The following CNTN3 variants were observed in gnomAD, a reference collection of about 807,000 sequenced individuals.
CNTN3 encodes contactin-3.
Under a neutral mutation model 119.1 loss-of-function variants are expected in CNTN3, and 60 were observed. The ratio of observed to expected loss-of-function variants is 0.50; its 90% CI spans 0.41 to 0.62. The LOEUF is 0.62. Among genes scored for constraint, CNTN3 ranks in the 20% least tolerant of loss-of-function variants. The pLI, the probability that CNTN3 is intolerant of heterozygous loss-of-function variation, is 0.00. For synonymous variants in CNTN3, 450 were observed against 438.7 expected, an observed-to-expected ratio of 1.03 and a Z score of -0.32; for missense variants, 1,101 against 1,242.4, an observed-to-expected ratio of 0.89 and a Z score of 1.71.
chr3:74,460,453 G>C (rs1156866035), intron 4 of CNTN3, among the ~76,000 whole-genome samples: 1 of 151,696 alleles, frequency 6.6e-6, no homozygotes, highest in East Asian at 1.9e-4. Flanking sequence ...GGTCTTCTTT[G>C]ATTTCTTTTG....
chr3:74,475,516 T>C (rs1481956729), intron 4 of CNTN3, among the ~76,000 whole-genome samples: 1 of 152,144 alleles, frequency 6.6e-6, no homozygotes, highest in Non-Finnish European at 1.5e-5. Flanking sequence ...TTTGCACACA[T>C]CCTGCATCGC....
intron 20 of CNTN3, among the ~76,000 whole-genome samples, chr3:74,276,089 A>C (rs1701873075): frequency 6.6e-6 from 1 of 152,142 alleles, no homozygotes. Flanking sequence ...CCAACAGGAA[A>C]ATATCACAAT....
At chr3:74,431,716 A>C (rs1701786180) in intron 4 of CNTN3, among the ~76,000 whole-genome samples, 1 of 152,232 alleles carries the variant, frequency 6.6e-6, no homozygotes, top group South Asian at 2.1e-4. Context: ...AAAGTAAAAC[A>C]AGCCATTTTC....
chr3:74,391,553 G>GTTTTTTTTTTTTTTT (rs1327675724), intron 5 of CNTN3, among the ~76,000 whole-genome samples: 1 of 115,966 alleles, frequency 8.6e-6, no homozygotes, highest in African/African-American at 3.5e-5. Context: ...TACTCCCATA[G>GTTTTTTTTTTTTTTT]TTTCTTTTTT....
chr3:74,548,571 TA>T (rs1178676530), intron 1 of CNTN3, among the ~76,000 whole-genome samples: 9 of 150,548 alleles, frequency 6.0e-5, no homozygotes, highest in Non-Finnish European at 1.0e-4. Flanking sequence ...TTTTAATTTT[TA>T]ATATTTTGGT....
rs115408965 is a variant in CNTN3, at chr3:74,360,674, T to C, written c.1364+1216A>G. ...CATTCCTTCTGAATCTGGAATCATT[T>C]TGTACTCATTCAGGTTGTTGGTGGA... On this transcript the variant is annotated intron_variant, in intron 11 of 22. Coordinates refer to ENST00000263665, the MANE Select transcript of CNTN3 (RefSeq NM_020872.3). Among the ~76,000 whole-genome samples, 378 of 152,280 alleles carry C rather than the reference T, an allele frequency of 2.5e-3. 2 individuals carry two copies. The highest frequency in any genetic ancestry group is 8.7e-3 in the African/African-American group (361 of 41,536).
chr3:74,541,098 T>C (rs1703836633), intron 1 of CNTN3, among the ~76,000 whole-genome samples: 1 of 151,984 alleles, frequency 6.6e-6, no homozygotes, highest in Non-Finnish European at 1.5e-5. Flanking sequence ...CATGAGTCAG[T>C]GAAACAAAAG....
intron 4 of CNTN3, among the ~76,000 whole-genome samples, chr3:74,453,051 C>T (rs1702191902): frequency 1.3e-5 from 2 of 151,656 alleles, no homozygotes; most frequent in South Asian, 4.2e-4. Context: ...AGGGAGGTTT[C>T]CCTCTTTTTC....
chr3:74,413,007 GTTA>G (rs751188236), intron 5 of CNTN3, among the ~76,000 whole-genome samples: 1 of 152,122 alleles, frequency 6.6e-6, no homozygotes, highest in Non-Finnish European at 1.5e-5. Flanking sequence ...GGTGAATTAC[GTTA>G]TTATTATTTG....
At chr3:74,581,534 G>A (rs1053637369) in intron 1 of CNTN3, among the ~76,000 whole-genome samples, 7 of 152,120 alleles carry the variant, frequency 4.6e-5, no homozygotes, top group African/African-American at 1.4e-4. Flanking sequence ...TCATTGTTAA[G>A]ATGTCCATTC....
chr3:74,563,263 A>G (rs1401742600), intron 1 of CNTN3, among the ~76,000 whole-genome samples: 7 of 152,150 alleles, frequency 4.6e-5, no homozygotes, highest in African/African-American at 1.4e-4. Context: ...AAACCCAGTA[A>G]GCCCAAAGTG....
At chr3:74,372,352 C>A (rs1704361979) in intron 5 of CNTN3, among the ~76,000 whole-genome samples, 1 of 151,946 alleles carries the variant, frequency 6.6e-6, no homozygotes, top group African/African-American at 2.4e-5. Flanking sequence ...AACTTTATGG[C>A]CAAGGTGAAT....
chr3:74,606,956 T>C (rs1038897996), intron 1 of CNTN3, among the ~76,000 whole-genome samples: 1 of 152,094 alleles, frequency 6.6e-6, no homozygotes, highest in African/African-American at 2.4e-5. Flanking sequence ...ATATTACATA[T>C]GAAGAAAAAA....
intron 1 of CNTN3, among the ~76,000 whole-genome samples, chr3:74,548,009 G>A (rs1418600634): frequency 1.3e-5 from 2 of 152,058 alleles, no homozygotes; most frequent in African/African-American, 4.8e-5. Context: ...CATTCCAGAT[G>A]GATAACCACT....
chr3:74,336,654 A>G lies in CNTN3; in HGVS notation c.1369T>C (p.Ser457Pro). The change falls in exon 12 of 23, where the codon TCT becomes CCT. Residue 457 changes from serine to proline, a missense_variant. Transcript: ENST00000263665. ...TTGAGTCCTCCATCGTTTAACAAAG[A>G]AATTCTAAAGCAAAGACAAATAAGA... ...DVSVQEHERI[S>P]LLNDGGLKIA... is the part of the protein sequence containing the mutation. 1 of 1,605,436 alleles carries G rather than the reference A, an allele frequency of 6.2e-7. No individual in the cohort carries two copies. Among genetic ancestry groups the G allele is most frequent in the Non-Finnish European group, 8.5e-7 (1 of 1,174,612 alleles).
chr3:74,468,518 T>C (rs1390418964), intron 4 of CNTN3, among the ~76,000 whole-genome samples: 1 of 152,204 alleles, frequency 6.6e-6, no homozygotes, highest in African/African-American at 2.4e-5. Flanking sequence ...TGGGCCCATA[T>C]TGATAGAGAT....
intron 11 of CNTN3, among the ~76,000 whole-genome samples, chr3:74,361,170 A>G: frequency 6.6e-6 from 1 of 152,132 alleles, no homozygotes; most frequent in East Asian, 1.9e-4. Flanking sequence ...AGCAGCAGTA[A>G]CAGCCAATAC....
chr3:74,478,359 C>T (rs1702698055), intron 4 of CNTN3, among the ~76,000 whole-genome samples: 1 of 151,996 alleles, frequency 6.6e-6, no homozygotes, highest in Non-Finnish European at 1.5e-5. Flanking sequence ...AGGTGAGTGC[C>T]CTCCCCCACA....
At chr3:74,507,156 C>CA (rs1703276393) in intron 2 of CNTN3, among the ~76,000 whole-genome samples, 1 of 152,136 alleles carries the variant, frequency 6.6e-6, no homozygotes, top group South Asian at 2.1e-4. Context: ...TGCTGGCTCA[C>CA]ATCTATAATC....
Sources: allele counts gnomAD v4.1 joint callset (sites outside exome capture counted in the v4.1 genomes callset), GRCh38; gene constraint gnomAD v4.1.1; transcripts MANE v1.5; gene names NCBI Gene and HGNC (gene_info 2026-07-23, HGNC 2026-07-21).